Variants in GALNT14 observed in about 807,000 individuals in gnomAD.
GALNT14 encodes UDP-GalNAc:polypeptide N-acetylgalactosaminyltransferase 14.
GALNT14 carries 60 observed loss-of-function variants against 77.5 expected under a neutral mutation model. That is an observed-to-expected ratio of 0.77 (90% CI 0.63 to 0.96). The LOEUF (loss-of-function observed/expected upper bound fraction) is 0.96. Among genes scored for constraint, GALNT14 ranks in the 40% least tolerant of loss-of-function variants. GALNT14 has a pLI of 0.00. For missense variants in GALNT14, 710 were observed against 731.0 expected (o/e 0.97, Z 0.33); for synonymous variants, 280 against 281.7 (o/e 0.99, Z 0.06).
chr2:31,129,672 G>A (rs936506421), intron 1 of GALNT14: 41 of 985,006 alleles, frequency 4.2e-5, no homozygotes, highest in Middle Eastern at 5.2e-4. Context: ...TTGCAGCTGC[G>A]AGAGATGGGC....
At chr2:30,988,954 C>T (rs143783113) in intron 2 of GALNT14, among the ~76,000 whole-genome samples, 315 of 152,260 alleles carry the variant, frequency 2.1e-3, no homozygotes, top group African/African-American at 7.2e-3. Flanking sequence ...GGACTAGCGG[C>T]GTTGGTATGA....
chr2:30,961,675 T>A (rs1454820050), intron 3 of GALNT14, among the ~76,000 whole-genome samples: 1 of 151,504 alleles, frequency 6.6e-6, no homozygotes, highest in Non-Finnish European at 1.5e-5. Context: ...GCTTACTGGG[T>A]TAGACTTTCT....
chr2:31,110,415 A>G (rs1677776506), intron 1 of GALNT14, among the ~76,000 whole-genome samples: 1 of 152,222 alleles, frequency 6.6e-6, no homozygotes, highest in East Asian at 1.9e-4. Context: ...CACAGAAAGA[A>G]AGAATCACCT....
chr2:30,983,795 AC>A (rs1162611439), intron 2 of GALNT14, among the ~76,000 whole-genome samples: 2 of 28,310 alleles, frequency 7.1e-5, no homozygotes, highest in African/African-American at 2.5e-4. Flanking sequence ...ACACACACAC[AC>A]ACACACACAC....
At chr2:30,940,088 G>A (rs1666291937) in intron 9 of GALNT14, among the ~76,000 whole-genome samples, 1 of 152,082 alleles carries the variant, frequency 6.6e-6, no homozygotes, top group Non-Finnish European at 1.5e-5. Context: ...ATAAAATGAA[G>A]TGTTCCCTGT....
intron 1 of GALNT14, among the ~76,000 whole-genome samples, chr2:31,053,546 T>C (rs1674026108): frequency 6.6e-6 from 1 of 150,748 alleles, no homozygotes; most frequent in Non-Finnish European, 1.5e-5. Flanking sequence ...CTCTTCAAAA[T>C]AAGGCCGACA....
At chr2:30,981,079 G>A (rs1230497983) in intron 2 of GALNT14, among the ~76,000 whole-genome samples, 1 of 152,206 alleles carries the variant, frequency 6.6e-6, no homozygotes, top group Non-Finnish European at 1.5e-5. Flanking sequence ...CTTACTCTAA[G>A]GGCTTACTGC....
the GALNT14 span, among the ~76,000 whole-genome samples, chr2:30,888,429 C>A: frequency 6.6e-6 from 1 of 152,226 alleles, no homozygotes; most frequent in South Asian, 2.1e-4. Flanking sequence ...TAATTATTAC[C>A]CCCACTTCAT....
intron 2 of GALNT14, among the ~76,000 whole-genome samples, chr2:30,985,416 A>G (rs537932463): frequency 5.3e-5 from 8 of 152,172 alleles, no homozygotes; most frequent in Admixed American, 5.2e-4. Context: ...ACTGGGGAGG[A>G]ATCCTGACCC....
chr2:31,028,576 T>A (rs919615337), intron 1 of GALNT14, among the ~76,000 whole-genome samples: 1 of 152,232 alleles, frequency 6.6e-6, no homozygotes, highest in African/African-American at 2.4e-5. Context: ...CATAACGGTG[T>A]GTCAGAAACA....
chr2:30,934,521 C>G (rs943069339), intron 9 of GALNT14, among the ~76,000 whole-genome samples: 2 of 152,154 alleles, frequency 1.3e-5, no homozygotes, highest in Non-Finnish European at 2.9e-5. Flanking sequence ...CTTTGCAAAG[C>G]GAATCCCTCC....
chr2:31,113,192 G>A (rs1198582819), intron 1 of GALNT14, among the ~76,000 whole-genome samples: 1 of 152,224 alleles, frequency 6.6e-6, no homozygotes, highest in Non-Finnish European at 1.5e-5. Flanking sequence ...TCTGGATAAT[G>A]GTGGTTTGAA....
intron 1 of GALNT14, among the ~76,000 whole-genome samples, chr2:31,123,178 T>A (rs1190093923): frequency 9.6e-5 from 6 of 62,458 alleles, no homozygotes; most frequent in East Asian, 1.4e-3. Context: ...CGAGACTCCA[T>A]CTCAAAAAAA....
chr2:31,083,078 C>T (rs1372647446), intron 1 of GALNT14, among the ~76,000 whole-genome samples: 7 of 152,068 alleles, frequency 4.6e-5, no homozygotes, highest in African/African-American at 1.4e-4. Flanking sequence ...AATAATGTAG[C>T]CTGCTAGGGT....
At chr2:31,127,287 T>C (rs1678749241) in intron 1 of GALNT14, among the ~76,000 whole-genome samples, 1 of 152,216 alleles carries the variant, frequency 6.6e-6, no homozygotes, top group Admixed American at 6.5e-5. Context: ...TCACACAGCC[T>C]GCGGGTCAAA....
intron 1 of GALNT14, among the ~76,000 whole-genome samples, chr2:31,063,453 G>A (rs1360347800): frequency 6.6e-6 from 1 of 152,144 alleles, no homozygotes; most frequent in African/African-American, 2.4e-5. Flanking sequence ...TGCTGATTTG[G>A]TTACTGTAAT....
At position 30,954,296 on chromosome 2, in the gene GALNT14, T is replaced by C. The variant is rs183727650; in HGVS notation, c.654+1322A>G. 4.1e-4 allele frequency among the ~76,000 whole-genome samples: 62 copies of C among 152,272 alleles called. No homozygotes were observed. The East Asian group carries it at 0.01, about 26-fold the overall frequency. On this transcript the variant is annotated intron_variant, in intron 6 of 14. Transcript: ENST00000349752. ...AGTGCCAGGAGAGGCCCTTCAACAT[T>C]TCCCAATCCAGACCTCTTTGCCTAG... is the stretch of plus-strand genomic sequence containing the variant.
rs561279163 is a variant in GALNT14, at chr2:30,993,011, C to T, written c.130-4G>A. 2.5e-6 allele frequency: 4 copies of T among 1,613,536 alleles called. No individual in the cohort carries two copies. Among genetic ancestry groups the T allele is most frequent in the African/African-American group, 2.7e-5 (2 of 74,932 alleles). On this transcript the variant is annotated splice_polypyrimidine_tract_variant and splice_region_variant and intron_variant, in intron 1 of 14. Coordinates refer to ENST00000349752, the MANE Select transcript of GALNT14 (RefSeq NM_024572.4). ...CGTCCCAGTCAGCGTCCGAAGGCTG[C>T]GTGACACGAATGGGAAGTCTGTGAG...
rs4020220 is a variant in GALNT14 at position 31,130,734 on chromosome 2, C to CTGTGTGTGTGTG, written c.129+7212_129+7223dup. Among the ~76,000 whole-genome samples, 1,112 of 117,466 alleles carry CTGTGTGTGTGTG rather than the reference C, an allele frequency of 9.5e-3. 6 individuals carry two copies. The highest frequency in any genetic ancestry group is 0.015 in the Admixed American group (170 of 11,494). The allele number at this position is 117,466 out of a possible 152,430, so 77.1% of individuals were successfully genotyped here. ...TCCTGCAGAATTCCCCAGGGTACCT[C>CTGTGTGTGTGTG]TGTGTGTGTGTGTGTGTGTGTGTGT... On this transcript the variant is annotated intron_variant, in intron 1 of 14. Transcript: ENST00000349752.
Sources: allele counts gnomAD v4.1 joint callset (sites outside exome capture counted in the v4.1 genomes callset), GRCh38; gene constraint gnomAD v4.1.1; transcripts MANE v1.5; gene names NCBI Gene and HGNC (gene_info 2026-07-23, HGNC 2026-07-21).